The following PIGG variants were observed in gnomAD, a reference collection of about 807,000 sequenced individuals.
PIGG encodes GPI ethanolamine phosphate transferase 2, catalytic subunit.
PIGG carries 70 observed loss-of-function variants against 83.2 expected under a neutral mutation model. That is an observed-to-expected ratio of 0.84 (90% CI 0.69 to 1.03). The LOEUF is 1.03. Ranked by LOEUF, PIGG falls within the 50% of genes least tolerant of loss-of-function variation. PIGG has a pLI of 0.00. For synonymous variants in PIGG, 532 were observed against 519.5 expected (o/e 1.02, Z -0.33); for missense variants, 1,257 against 1,233.6 (o/e 1.02, Z -0.28).
chr4:515,777 C>T lies in PIGG; in HGVS notation c.902-196C>T, dbSNP rs1211373327. ...GTTGCAGGCTACTGAAGGAAAGACA[C>T]CGTCCCTGGCATAGAATGGGTTCGG... is the stretch of plus-strand genomic sequence containing the variant. On this transcript the variant is annotated intron_variant, in intron 5 of 12. Transcript: ENST00000453061. This position sits in a 1 kb window ranked among gnomAD's most constrained non-coding sequence, Gnocchi z 4.2. Among the ~76,000 whole-genome samples the T allele has an allele frequency of 6.6e-6, 1 of 152,246 alleles. No individual in the cohort carries two copies. The highest frequency in any genetic ancestry group is 2.4e-5 in the African/African-American group (1 of 41,458).
rs747534317 is a variant in PIGG, at chr4:523,528, G to T, written c.1684G>T (p.Val562Phe). Residue 562 changes from valine (V) to phenylalanine (F), a missense_variant, in exon 9 of 13, where the codon GTC becomes TTC. Physicochemically the swap from Val to Phe is conservative, Grantham distance 50 (BLOSUM62 -1). Coordinates refer to ENST00000453061, the MANE Select transcript of PIGG (RefSeq NM_001127178.3). ...LLILLGTAGH[V>F]LSLGASSFVE... Reference sequence around the variant, plus strand: ...TATTCTGTTGGGGACGGCGGGCCACGTCTTGAGCCTGGGCGCCAGCAGCTT... The same window carrying T: ...TATTCTGTTGGGGACGGCGGGCCACTTCTTGAGCCTGGGCGCCAGCAGCTT... 1 of 1,614,176 alleles carries T rather than the reference G, an allele frequency of 6.2e-7. No homozygotes were observed. Among genetic ancestry groups the T allele is most frequent in the Non-Finnish European group, 8.5e-7 (1 of 1,180,020 alleles).
intron 1 of PIGG, 56 bp downstream of exon 1, chr4:499,545 C>A (rs1436903661): frequency 6.7e-7 from 1 of 1,502,586 alleles, no homozygotes; most frequent in Non-Finnish European, 8.9e-7. Context: ...CCTAGAAGAC[C>A]TTTTTTCTGA....
At chr4:518,938 G>A (rs2108914690) in intron 6 of PIGG, among the ~76,000 whole-genome samples, 1 of 152,302 alleles carries the variant, frequency 6.6e-6, no homozygotes, top group South Asian at 2.1e-4. Flanking sequence ...GGCTCTCTCA[G>A]TGTAGTGGGA....
Position 539,257 on chromosome 4 carries a change from T to C in PIGG, c.2840T>C (p.Ile947Thr). Residue 947 changes from isoleucine (I) to threonine (T), a missense_variant, in exon 13 of 13, where the codon ATA (isoleucine) becomes ACA (threonine). Transcript: ENST00000453061. ...ACATCTCTGCGTTATCATTTATTTA[T>C]ATGGAGTGTATTTTCTCCAAAACTT... ...LVTSLRYHLF[I>T]WSVFSPKLLY... 6.2e-7 allele frequency: 1 copy of C among 1,611,736 alleles called. No individual in the cohort carries two copies. The highest frequency in any genetic ancestry group is 8.5e-7 in the Non-Finnish European group (1 of 1,177,760).
At position 523,498 on chromosome 4, in the gene PIGG, C is replaced by A. The variant is rs1384984206; in HGVS notation, c.1654C>A (p.Leu552Ile). The A allele has an allele frequency of 1.2e-6, 2 of 1,613,858 alleles. No individual in the cohort carries two copies. The highest frequency in any genetic ancestry group is 1.7e-6 in the Non-Finnish European group (2 of 1,179,942). ...HPSSRWSELDLLILLGTAGHV... is the reference protein window; with the variant it reads ...HPSSRWSELDILILLGTAGHV... ...CAGCTCAAGGTGGTCAGAGCTAGAC[C>A]TTCTTATTCTGTTGGGGACGGCGGG... The change falls in exon 9 of 13, where the codon CTT (leucine) becomes ATT (isoleucine). Residue 552 changes from leucine to isoleucine, a missense_variant. Coordinates refer to ENST00000453061, the MANE Select transcript of PIGG (RefSeq NM_001127178.3).
intron 3 of PIGG, 95 bp from the exon 4 acceptor site, chr4:507,309 AC>A: frequency 1.1e-6 from 1 of 937,114 alleles, no homozygotes; most frequent in Non-Finnish European, 1.7e-6. Flanking sequence ...ACCTGAATAA[AC>A]CCCTAGATTT....
chr4:536,977 T>C (rs1730811867), intron 12 of PIGG: 1 of 152,188 alleles, frequency 6.6e-6, no homozygotes, highest in South Asian at 2.1e-4. Flanking sequence ...TTTTCATCTC[T>C]TACACAGCCA....
intron 5 of PIGG, among the ~76,000 whole-genome samples, chr4:512,688 G>A (rs570856898): frequency 0.021 from 3,136 of 151,666 alleles, 114 homozygotes; most frequent in African/African-American, 0.07. Flanking sequence ...GGTGGTGGGC[G>A]CCTGTAATCC....
At chr4:527,541 A>G in intron 10 of PIGG, 4 of 1,092,420 alleles carry the variant, frequency 3.7e-6, no homozygotes, top group Non-Finnish European at 4.5e-6. Flanking sequence ...TGGGACAGAC[A>G]GATGAGCGTG....
At chr4:523,107 T>C (rs7660555) in intron 8 of PIGG, among the ~76,000 whole-genome samples, 28,775 of 152,046 alleles carry the variant, frequency 0.19, 3,437 homozygotes, top group African/African-American at 0.34. Flanking sequence ...CCAGGAGCCT[T>C]TGGGCAAGCT....
chr4:525,846 G>T (rs576716855), intron 9 of PIGG: 2 of 152,294 alleles, frequency 1.3e-5, no homozygotes, highest in African/African-American at 4.8e-5. Flanking sequence ...AGGTGAGGAA[G>T]CGGAGGGGGG....
At chr4:508,160 T>G (rs1720506464) in intron 4 of PIGG, among the ~76,000 whole-genome samples, 1 of 152,110 alleles carries the variant, frequency 6.6e-6, no homozygotes, top group African/African-American at 2.4e-5. Flanking sequence ...AATAAGTATG[T>G]GAGGAGGTGA....
intron 12 of PIGG, among the ~76,000 whole-genome samples, chr4:538,568 G>A (rs1375850443): frequency 4.6e-5 from 7 of 152,190 alleles, no homozygotes; most frequent in Admixed American, 6.5e-5. Flanking sequence ...GCAAAGTCTG[G>A]GGGGTGCGTT....
At chr4:499,925 G>C (rs560957780) in intron 1 of PIGG, 68 of 229,668 alleles carry the variant, frequency 3.0e-4, no homozygotes, top group Admixed American at 1.4e-3. Flanking sequence ...CTGCCTAGGG[G>C]CTAAGGCCTC....
At chr4:522,111 C>G in intron 8 of PIGG, 170 bp downstream of exon 8, 1 of 698,004 alleles carries the variant, frequency 1.4e-6, no homozygotes, top group East Asian at 2.7e-5. Flanking sequence ...GCAGCCTTAT[C>G]CCAGGCCTCT....
At chr4:506,703 C>G in intron 3 of PIGG, 1 of 452,474 alleles carries the variant, frequency 2.2e-6, no homozygotes, top group Admixed American at 2.3e-5. Flanking sequence ...ACCAGGCTGA[C>G]AGCTCTATTG....
At chr4:529,557 T>C (rs1421679316) in intron 10 of PIGG, among the ~76,000 whole-genome samples, 4 of 152,236 alleles carry the variant, frequency 2.6e-5, no homozygotes, top group Non-Finnish European at 4.4e-5. Flanking sequence ...ATGATCAGAT[T>C]TGTAGGCTGT....
intron 2 of PIGG, 101 bp downstream of exon 2, chr4:500,702 T>G (rs1553875342): frequency 4.0e-6 from 3 of 753,764 alleles, no homozygotes; most frequent in African/African-American, 1.7e-5. Context: ...TTTAAGAAAG[T>G]GGAAATTTTG....
chr4:525,186 G>T (rs921244412), intron 9 of PIGG: 2 of 985,116 alleles, frequency 2.0e-6, no homozygotes, highest in African/African-American at 3.5e-5. Flanking sequence ...GAGCCGTGTG[G>T]GGGAATTCAG....
Sources: gnomAD v4.1 joint callset for allele counts (sites outside exome capture counted in the v4.1 genomes callset) on GRCh38, gnomAD v4.1.1 for gene constraint, Gnocchi (gnomAD v3.1) non-coding constraint, MANE v1.5 for transcripts, NCBI Gene and HGNC (gene_info 2026-07-23, HGNC 2026-07-21) for gene names.